PDE4D: variants seen among roughly 807,000 people sequenced by gnomAD.
PDE4D encodes 3',5'-cyclic-AMP phosphodiesterase 4D.
Under a neutral mutation model 87.4 loss-of-function variants are expected in PDE4D, and 24 were observed. The ratio of observed to expected loss-of-function variants is 0.27; its 90% CI spans 0.20 to 0.39. PDE4D has a LOEUF of 0.39. Ranked by LOEUF, PDE4D falls within the 10% of genes least tolerant of loss-of-function variation. PDE4D has a pLI of 1.00. For missense variants in PDE4D, 714 were observed against 1,041.0 expected (o/e 0.69, Z 4.32); for synonymous variants, 384 against 383.2 (o/e 1.00, Z -0.02).
intron 1 of PDE4D, among the ~76,000 whole-genome samples, chr5:59,272,483 A>G (rs1246459169): frequency 6.6e-6 from 1 of 152,116 alleles, no homozygotes; most frequent in Non-Finnish European, 1.5e-5. Context: ...TATTAGCTTT[A>G]TGAGCATAAG....
intron 2 of PDE4D, among the ~76,000 whole-genome samples, chr5:59,209,258 T>A (rs1749532472): frequency 6.6e-6 from 1 of 152,142 alleles, no homozygotes; most frequent in South Asian, 2.1e-4. Flanking sequence ...CAATCGTGGC[T>A]CACTACAACC....
At chr5:60,329,065 G>A (rs1390037564) in intron 1 of PDE4D, among the ~76,000 whole-genome samples, 1 of 152,094 alleles carries the variant, frequency 6.6e-6, no homozygotes, top group Non-Finnish European at 1.5e-5. Flanking sequence ...AAGCATTTAG[G>A]TTTGGCCACT....
At chr5:59,328,422 C>G (rs1776103222) in intron 1 of PDE4D, among the ~76,000 whole-genome samples, 2 of 152,128 alleles carry the variant, frequency 1.3e-5, no homozygotes, top group Admixed American at 1.3e-4. Context: ...GCTTTAAACT[C>G]TAGGCACACT....
intron 1 of PDE4D, among the ~76,000 whole-genome samples, chr5:60,453,061 A>T (rs1746217146): frequency 6.6e-6 from 1 of 152,144 alleles, no homozygotes; most frequent in African/African-American, 2.4e-5. Flanking sequence ...AACACTGTAA[A>T]CATGGGCAGT....
intron 1 of PDE4D, among the ~76,000 whole-genome samples, chr5:59,416,485 T>C (rs749095080): frequency 1.3e-5 from 2 of 152,190 alleles, no homozygotes; most frequent in Admixed American, 1.3e-4. Flanking sequence ...ATGTTTGCTC[T>C]ACTAAGAGTC....
chr5:59,695,459 T>G (rs1257721223), intron 1 of PDE4D, among the ~76,000 whole-genome samples: 2 of 152,316 alleles, frequency 1.3e-5, no homozygotes, highest in African/African-American at 4.8e-5. Context: ...AGTTATCTGA[T>G]AGTTTAACTA....
chr5:59,196,276 C>A (rs767465117), intron 2 of PDE4D, among the ~76,000 whole-genome samples: 1 of 152,106 alleles, frequency 6.6e-6, no homozygotes, highest in African/African-American at 2.4e-5. Flanking sequence ...CACAAAGACA[C>A]GCAGGTAGTA....
chr5:60,060,133 G>C (rs1170852293), intron 2 of PDE4D, among the ~76,000 whole-genome samples: 1 of 152,002 alleles, frequency 6.6e-6, no homozygotes, highest in Non-Finnish European at 1.5e-5. Flanking sequence ...TATTCTATGA[G>C]AGATTTAAGA....
intron 1 of PDE4D, chr5:59,797,015 G>A (rs559872689): frequency 6.6e-6 from 1 of 151,786 alleles, no homozygotes; most frequent in East Asian, 1.9e-4. Context: ...TTATTGTTCA[G>A]AATTGATTTC....
At chr5:59,649,902 AACCTTTTT>A (rs1205653354) in intron 1 of PDE4D, among the ~76,000 whole-genome samples, 9 of 43,794 alleles carry the variant, frequency 2.1e-4, no homozygotes, top group Non-Finnish European at 3.3e-4. Context: ...ATAGTTTGTG[AACCTTTTT>A]TTTTTTTTTT....
At chr5:59,296,674 G>A (rs778963333) in intron 1 of PDE4D, among the ~76,000 whole-genome samples, 10 of 152,144 alleles carry the variant, frequency 6.6e-5, no homozygotes, top group Non-Finnish European at 1.3e-4. Context: ...TGTTTAGAGA[G>A]GTCACATCCA....
chr5:59,232,510 C>CTA (rs1755443678), intron 1 of PDE4D, among the ~76,000 whole-genome samples: 2 of 54,926 alleles, frequency 3.6e-5, no homozygotes, highest in Admixed American at 3.5e-4. Flanking sequence ...TATTAAAAGA[C>CTA]CAAAAAAAAA....
chr5:60,219,604 T>C (rs892961544), intron 1 of PDE4D, among the ~76,000 whole-genome samples: 1 of 152,168 alleles, frequency 6.6e-6, no homozygotes, highest in African/African-American at 2.4e-5. Context: ...AAAGAGAATT[T>C]CAGTTTACAA....
chr5:59,276,122 G>GAAAAAA (rs56153175), intron 1 of PDE4D: 78 of 854,476 alleles, frequency 9.1e-5, no homozygotes, highest in Admixed American at 3.7e-4. Flanking sequence ...AGTGAGAAAG[G>GAAAAAA]AAAAAAAAAA....
intron 1 of PDE4D, among the ~76,000 whole-genome samples, chr5:59,517,508 A>G (rs183688507): frequency 2.7e-3 from 404 of 152,272 alleles, no homozygotes; most frequent in African/African-American, 9.5e-3. Context: ...TATATAGGGT[A>G]CAGAGCAGCA....
intron 1 of PDE4D, among the ~76,000 whole-genome samples, chr5:59,374,490 A>G (rs140139816): frequency 6.6e-6 from 1 of 152,340 alleles, no homozygotes; most frequent in East Asian, 1.9e-4. Context: ...TCCTAAATAT[A>G]TACACACCCA....
At chr5:59,031,380 T>C (rs866097302) in intron 6 of PDE4D, among the ~76,000 whole-genome samples, 3 of 62,670 alleles carry the variant, frequency 4.8e-5, no homozygotes, top group African/African-American at 5.4e-5. Flanking sequence ...TATATATATA[T>C]ATATATATAT....
chr5:60,101,475 G>C (rs1455747360), intron 2 of PDE4D, among the ~76,000 whole-genome samples: 1 of 151,972 alleles, frequency 6.6e-6, no homozygotes, highest in Non-Finnish European at 1.5e-5. Flanking sequence ...GAAGTATTTT[G>C]AATCTACCTC....
chr5:59,849,019 CG>C (rs1744290702), intron 1 of PDE4D, among the ~76,000 whole-genome samples: 1 of 151,940 alleles, frequency 6.6e-6, no homozygotes, highest in African/African-American at 2.4e-5. Flanking sequence ...TCATACAACT[CG>C]GCGCTGTGAG....
Sources: gnomAD v4.1 joint callset for allele counts (sites outside exome capture counted in the v4.1 genomes callset) on GRCh38, gnomAD v4.1.1 for gene constraint, MANE v1.5 for transcripts, NCBI Gene and HGNC (gene_info 2026-07-23, HGNC 2026-07-21) for gene names.